KCNH8: variants seen among roughly 807,000 people sequenced by gnomAD.
KCNH8 encodes the protein potassium voltage-gated channel subfamily H member 8.
A neutral mutation model predicts 103.6 loss-of-function variants in KCNH8; 70 were observed. That is an observed-to-expected ratio of 0.68 (90% CI 0.56 to 0.82). KCNH8 has a LOEUF of 0.82. Ranked by LOEUF, KCNH8 falls within the 40% of genes least tolerant of loss-of-function variation. The pLI is 0.00. For missense variants in KCNH8, 1,217 were observed against 1,329.9 expected (o/e 0.92, Z 1.32); for synonymous variants, 498 against 489.4 (o/e 1.02, Z -0.23).
chr3:19,334,046 A>G (rs1042595811), intron 3 of KCNH8, among the ~76,000 whole-genome samples: 1 of 152,304 alleles, frequency 6.6e-6, no homozygotes, highest in African/African-American at 2.4e-5. Context: ...TGCTGACTCC[A>G]TGTTCACCAG....
At chr3:19,197,663 G>A (rs963363415) in intron 1 of KCNH8, among the ~76,000 whole-genome samples, 7 of 151,416 alleles carry the variant, frequency 4.6e-5, no homozygotes, top group African/African-American at 1.7e-4. Flanking sequence ...ATTCTCGGTG[G>A]TTTGGTTTCT....
At chr3:19,266,473 G>C (rs901594830) in intron 2 of KCNH8, among the ~76,000 whole-genome samples, 1 of 152,044 alleles carries the variant, frequency 6.6e-6, no homozygotes, top group Non-Finnish European at 1.5e-5. Flanking sequence ...CATCTATGAG[G>C]CTTTCAACTA....
intron 5 of KCNH8, among the ~76,000 whole-genome samples, chr3:19,363,608 T>C (rs555466053): frequency 6.6e-6 from 1 of 152,316 alleles, no homozygotes; most frequent in Non-Finnish European, 1.5e-5. Flanking sequence ...ATAACCTATA[T>C]AATCTCCGTT....
At chr3:19,477,031 G>T (rs1330433769) in intron 11 of KCNH8, among the ~76,000 whole-genome samples, 1 of 152,152 alleles carries the variant, frequency 6.6e-6, no homozygotes, top group Non-Finnish European at 1.5e-5. Context: ...AATATGGAAT[G>T]CCTGGCCATT....
At chr3:19,525,841 T>C (rs1193499639) in intron 15 of KCNH8, among the ~76,000 whole-genome samples, 5 of 151,944 alleles carry the variant, frequency 3.3e-5, no homozygotes, top group African/African-American at 1.2e-4. Flanking sequence ...TTTACAACTT[T>C]TATTAGTAAT....
rs567889216 is a variant in KCNH8, at chr3:19,446,186, C to T, written c.1376-3920C>T. ...ACAAAATATACAGAAAAGATTTTCT[C>T]ATGTCTTTAAAAATTCTTTCATACT... On this transcript the variant is annotated intron_variant, in intron 8 of 15. Coordinates refer to ENST00000328405, the MANE Select transcript of KCNH8 (RefSeq NM_144633.3). 1.1e-4 allele frequency among the ~76,000 whole-genome samples: 16 copies of T among 152,010 alleles called. No individual in the cohort carries two copies. In the South Asian group the frequency reaches 3.1e-3, roughly 30 times the overall value.
At chr3:19,201,635 A>T (rs945248388) in intron 1 of KCNH8, among the ~76,000 whole-genome samples, 1 of 151,936 alleles carries the variant, frequency 6.6e-6, no homozygotes, top group Non-Finnish European at 1.5e-5. Flanking sequence ...GCCCTATTTA[A>T]ATCTGATTTT....
At chr3:19,308,660 C>G (rs2065162241) in intron 3 of KCNH8, among the ~76,000 whole-genome samples, 2 of 10,046 alleles carry the variant, frequency 2.0e-4, no homozygotes, top group East Asian at 2.8e-3. Flanking sequence ...GTCTCTCTCT[C>G]TCTCTCTCTC....
chr3:19,375,511 A>AT (rs1335617704), intron 5 of KCNH8, among the ~76,000 whole-genome samples: 1 of 148,634 alleles, frequency 6.7e-6, no homozygotes, highest in Non-Finnish European at 1.5e-5. Context: ...ATTCTTCTAA[A>AT]TTTTTTTCAA....
In KCNH8 at chr3:19,253,816, T is replaced by C; in HGVS notation, c.239T>C (p.Met80Thr). The change falls in exon 2 of 16, where the codon ATG becomes ACG. Residue 80 changes from methionine (M) to threonine (T), a missense_variant. Physicochemically the swap from Met to Thr is moderately conservative, Grantham distance 81. This residue lies in a region of KCNH8 where 244 missense variants were observed against 256.8 expected (regional missense o/e 0.95). Transcript: ENST00000328405. ...LFGVETNEQL[M>T]LQIEKSLEEK... ...GGGGTTGAAACCAATGAGCAACTGA[T>C]GCTTCAAATAGAAAAGTCACTGGAG... The C allele has an allele frequency of 6.2e-7, 1 of 1,613,886 alleles. No individual in the cohort carries two copies. The highest frequency in any genetic ancestry group is 1.3e-5 in the African/African-American group (1 of 75,000).
At chr3:19,258,966 TATATATA>T (rs2064390044) in intron 2 of KCNH8, among the ~76,000 whole-genome samples, 1 of 136,604 alleles carries the variant, frequency 7.3e-6, no homozygotes, top group Non-Finnish European at 1.6e-5. Context: ...TATATATATA[TATATATA>T]TATATATATC....
chr3:19,279,214 A>G (rs545930725), intron 2 of KCNH8, among the ~76,000 whole-genome samples: 62 of 152,134 alleles, frequency 4.1e-4, no homozygotes, highest in Non-Finnish European at 7.9e-4. Context: ...AATGGTGACC[A>G]TAGATAAAAT....
chr3:19,347,165 A>G (rs1054016242), intron 4 of KCNH8, among the ~76,000 whole-genome samples: 9 of 152,142 alleles, frequency 5.9e-5, no homozygotes, highest in African/African-American at 2.2e-4. Context: ...ACCAACAGCC[A>G]CAGTGCAAAA....
chr3:19,272,795 T>A (rs2064607281), intron 2 of KCNH8, among the ~76,000 whole-genome samples: 1 of 152,152 alleles, frequency 6.6e-6, no homozygotes, highest in African/African-American at 2.4e-5. Context: ...CCTGCTCTCC[T>A]TTTTCTTTTT....
At chr3:19,458,523 A>C (rs536648337) in intron 11 of KCNH8, among the ~76,000 whole-genome samples, 4 of 152,094 alleles carry the variant, frequency 2.6e-5, no homozygotes, top group Non-Finnish European at 5.9e-5. Context: ...ATGTTTTCAA[A>C]TATGTATACA....
chr3:19,450,005 C>G, intron 8 of KCNH8, 101 bp from the exon 9 acceptor site: 5 of 869,212 alleles, frequency 5.8e-6, no homozygotes, highest in Non-Finnish European at 3.4e-6. Context: ...TGTAACCATG[C>G]TCTGCTCTGC....
intron 7 of KCNH8, among the ~76,000 whole-genome samples, chr3:19,414,623 A>T (rs2066835115): frequency 6.6e-6 from 1 of 152,030 alleles, no homozygotes. Context: ...ATGAGTAGTA[A>T]AATTATTTGG....
chr3:19,451,431 G>A, intron 10 of KCNH8, 27 bp downstream of exon 10: 2 of 1,605,360 alleles, frequency 1.2e-6, no homozygotes, highest in Non-Finnish European at 8.5e-7. Context: ...AAACTTGTAT[G>A]AAATTTGACT....
chr3:19,331,332 G>C (rs1018266850), intron 3 of KCNH8, among the ~76,000 whole-genome samples: 1 of 150,192 alleles, frequency 6.7e-6, no homozygotes, highest in Admixed American at 6.6e-5. Context: ...TTGCTCTGTC[G>C]CCAGGCTGGA....
Sources: gnomAD v4.1 joint callset for allele counts (sites outside exome capture counted in the v4.1 genomes callset) on GRCh38, gnomAD v4.1.1 for gene constraint, gnomAD v4.1.1 regional missense constraint, MANE v1.5 for transcripts, NCBI Gene and HGNC (gene_info 2026-07-23, HGNC 2026-07-21) for gene names.